Variants in KRAS observed in about 807,000 individuals in gnomAD.
The protein encoded by KRAS is KRas proto-oncogene, GTPase, also known as GTPase KRas.
KRAS carries 1 observed loss-of-function variant against 21.0 expected under a neutral mutation model. The ratio of observed to expected loss-of-function variants is 0.05; its 90% CI spans 0.02 to 0.23. KRAS has a LOEUF of 0.23. Among genes scored for constraint, KRAS ranks in the 10% least tolerant of loss-of-function variants. The pLI is 1.00. For synonymous variants in KRAS, 67 were observed against 72.5 expected, an observed-to-expected ratio of 0.92 and a Z score of 0.39; for missense variants, 107 against 221.8, an observed-to-expected ratio of 0.48 and a Z score of 3.29.
rs917782865 is a variant in KRAS, at chr12:25,209,622, GA to G, written c.*172del. ...ACTCTGGGAATACTGGCACTTAGAG[GA>G]AAAAAAAACTTCCACTGTCATTTTA... On this transcript the variant is annotated 3_prime_UTR_variant, in exon 5 of 5. Transcript: ENST00000311936. 5.4e-5 allele frequency: 71 copies of G among 1,324,716 alleles called. No individual in the cohort carries two copies. The highest frequency in any genetic ancestry group is 6.1e-5 in the African/African-American group (4 of 65,646). The allele number at this position is 1,324,716 out of a possible 1,614,324, so 82.1% of individuals were successfully genotyped here.
At chr12:25,250,710 G>A (rs1302330177) in intron 1 of KRAS, 41 bp downstream of exon 1, 1 of 183,572 alleles carries the variant, frequency 5.4e-6, no homozygotes, top group Non-Finnish European at 1.2e-5. Flanking sequence ...AAGAGGGTCG[G>A]GACCCGGGCA....
intron 2 of KRAS, among the ~76,000 whole-genome samples, chr12:25,233,283 C>A (rs1314089051): frequency 6.6e-6 from 1 of 152,062 alleles, no homozygotes; most frequent in African/African-American, 2.4e-5. Context: ...GCACCATGGG[C>A]TAGGCACCTA....
At chr12:25,248,339 A>C (rs1005311051) in intron 1 of KRAS, among the ~76,000 whole-genome samples, 3 of 149,238 alleles carry the variant, frequency 2.0e-5, no homozygotes, top group African/African-American at 7.4e-5. Flanking sequence ...AATCCCGGCT[A>C]CTCGGGAAGC....
At chr12:25,231,081 C>T (rs1022790590) in intron 2 of KRAS, among the ~76,000 whole-genome samples, 1 of 150,012 alleles carries the variant, frequency 6.7e-6, no homozygotes, top group African/African-American at 2.4e-5. Flanking sequence ...CTATTGCTGC[C>T]ACCTCACATT....
chr12:25,227,655 T>C (rs545683711), intron 2 of KRAS, among the ~76,000 whole-genome samples: 2 of 152,068 alleles, frequency 1.3e-5, no homozygotes, highest in Admixed American at 6.5e-5. Context: ...CCCATTAGGA[T>C]TGGCTATTAT....
chr12:25,206,634 G>C lies in KRAS; in HGVS notation c.*3161C>G. 5.0e-6 allele frequency: 1 copy of C among 201,792 alleles called. No individual in the cohort carries two copies. The highest frequency in any genetic ancestry group is 1.0e-5 in the Non-Finnish European group (1 of 98,338). The allele number at this position is 201,792 out of a possible 1,614,324, so 12.5% of individuals were successfully genotyped here. On this transcript the variant is annotated 3_prime_UTR_variant, in exon 5 of 5. Transcript: ENST00000311936. ...CTGAAGTATGGCCATTTCTTTCTCT[G>C]TGTAGAAACGAGGTACTGTGTAAGT...
At chr12:25,215,532 A>G (rs539423712) in intron 4 of KRAS, 4 of 1,611,852 alleles carry the variant, frequency 2.5e-6, no homozygotes, top group Non-Finnish European at 3.4e-6. Context: ...GATCTCTCTC[A>G]CCAATGTATA....
chr12:25,217,029 G>C (rs1272059109), intron 4 of KRAS, among the ~76,000 whole-genome samples: 1 of 151,982 alleles, frequency 6.6e-6, no homozygotes, highest in Non-Finnish European at 1.5e-5. Flanking sequence ...TTTGGGGATT[G>C]GCATACATAT....
intron 4 of KRAS, among the ~76,000 whole-genome samples, chr12:25,219,603 A>G (rs1220053962): frequency 6.6e-6 from 1 of 152,234 alleles, no homozygotes; most frequent in Non-Finnish European, 1.5e-5. Context: ...ATGCAAGACT[A>G]CCAGCCTTTT....
intron 1 of KRAS, among the ~76,000 whole-genome samples, chr12:25,248,820 C>T (rs1017819936): frequency 3.3e-5 from 5 of 151,904 alleles, no homozygotes; most frequent in Non-Finnish European, 7.4e-5. Context: ...TTTCATAAAA[C>T]TGAATTACCA....
chr12:25,214,760 A>G (rs1428706537), intron 4 of KRAS, among the ~76,000 whole-genome samples: 1 of 152,186 alleles, frequency 6.6e-6, no homozygotes, highest in African/African-American at 2.4e-5. Flanking sequence ...TAAACCAAAT[A>G]GGAGGTTCTA....
chr12:25,248,028 G>C (rs4397950), intron 1 of KRAS, among the ~76,000 whole-genome samples: 59,371 of 151,630 alleles, frequency 0.39, 11,758 homozygotes, highest in African/African-American at 0.45. Flanking sequence ...TTTTAATCCT[G>C]GATTTTTTTT....
At chr12:25,230,096 T>C (rs1254629488) in intron 2 of KRAS, among the ~76,000 whole-genome samples, 1 of 152,136 alleles carries the variant, frequency 6.6e-6, no homozygotes, top group Non-Finnish European at 1.5e-5. Flanking sequence ...AGTTTATGAA[T>C]TACTCTGTAG....
At chr12:25,225,321 T>TATGTAACC in intron 4 of KRAS, 1 of 67,322 alleles carries the variant, frequency 1.5e-5, no homozygotes, top group African/African-American at 4.3e-5. Context: ...TATATATATA[T>TATGTAACC]ATATATATAT....
rs891148624 is a variant in KRAS at position 25,234,553 on chromosome 12, GT to G, written c.112-7142del. The G allele has an allele frequency of 4.3e-5, 8 of 185,010 alleles. No homozygotes were observed. In the South Asian group the frequency reaches 1.2e-3, roughly 27 times the overall value. The allele number at this position is 185,010 out of a possible 1,614,324, so 11.5% of individuals were successfully genotyped here. A position where few individuals can be genotyped will look rare whatever the true frequency, so the allele number is the denominator to read the frequency against. ...TTTGAGGAGTAATAATGTTATATAG[GT>G]TTTTTTTCTTATCTGCATATTTATC... On this transcript the variant is annotated intron_variant, in intron 2 of 4. Coordinates refer to ENST00000311936, the MANE Select transcript of KRAS (RefSeq NM_004985.5).
chr12:25,232,855 A>C (rs889955626), intron 2 of KRAS, among the ~76,000 whole-genome samples: 3 of 152,242 alleles, frequency 2.0e-5, no homozygotes, highest in East Asian at 1.9e-4. Context: ...CTGGTGACAT[A>C]ATAAGCACAA....
intron 2 of KRAS, 33 bp from the exon 3 acceptor site, chr12:25,227,445 C>G (rs2141510739): frequency 6.2e-7 from 1 of 1,602,892 alleles, no homozygotes; most frequent in Non-Finnish European, 8.5e-7. Context: ...TGGATTATTA[C>G]AGTGCACCTT....
At chr12:25,212,894 T>A (rs1168511804) in intron 4 of KRAS, among the ~76,000 whole-genome samples, 2 of 152,064 alleles carry the variant, frequency 1.3e-5, no homozygotes, top group Non-Finnish European at 2.9e-5. Flanking sequence ...GTGCCAAAAT[T>A]TTTTTATTTT....
Position 25,234,153 on chromosome 12 carries a change from A to G in KRAS, c.112-6741T>C, listed in dbSNP as rs1046165835. The G allele has an allele frequency of 2.4e-5, 4 of 169,580 alleles. 1 individual carries two copies. In the South Asian group the frequency reaches 8.0e-4, roughly 34 times the overall value. 10.5% of individuals were successfully genotyped at this position (169,580 alleles called of 1,614,324 possible). A position where few individuals can be genotyped will look rare whatever the true frequency, so the allele number is the denominator to read the frequency against. On this transcript the variant is annotated intron_variant, in intron 2 of 4. Coordinates refer to ENST00000311936, the MANE Select transcript of KRAS (RefSeq NM_004985.5). Reference sequence around the variant, plus strand: ...TTTTAAATTACAATATATATTAAGAATAATTTAATAAATTTTACCTTCAAT... The same window carrying G: ...TTTTAAATTACAATATATATTAAGAGTAATTTAATAAATTTTACCTTCAAT...
Sources: allele counts gnomAD v4.1 joint callset (sites outside exome capture counted in the v4.1 genomes callset), GRCh38; gene constraint gnomAD v4.1.1; transcripts MANE v1.5; gene names NCBI Gene and HGNC (gene_info 2026-07-23, HGNC 2026-07-21).